TSPAN15: variants seen among roughly 807,000 people sequenced by gnomAD.
The protein encoded by TSPAN15 is tetraspanin 15.
Under a neutral mutation model 34.5 loss-of-function variants are expected in TSPAN15, and 20 were observed. The observed-to-expected ratio is 0.58, with a 90% CI of 0.41 to 0.84. The LOEUF (loss-of-function observed/expected upper bound fraction) is 0.84, where lower values mean the gene tolerates loss of function less well. Among genes scored for constraint, TSPAN15 ranks in the 40% least tolerant of loss-of-function variants. The pLI is 0.00. For synonymous variants in TSPAN15, 155 were observed against 153.9 expected (o/e 1.01, Z -0.05); for missense variants, 313 against 386.1 (o/e 0.81, Z 1.59).
At chr10:69,493,560 C>T (rs370323820) in intron 3 of TSPAN15, among the ~76,000 whole-genome samples, 20 of 149,708 alleles carry the variant, frequency 1.3e-4, no homozygotes, top group African/African-American at 5.0e-4. Context: ...GCAACCTCTG[C>T]CTCCCAGGTT....
chr10:69,510,331 C>T (rs1462330990), downstream of TSPAN15, among the ~76,000 whole-genome samples: 1 of 152,108 alleles, frequency 6.6e-6, no homozygotes, highest in Non-Finnish European at 1.5e-5. Context: ...ATTTTATTCT[C>T]TTTATAGCAA....
the TSPAN15 span, among the ~76,000 whole-genome samples, chr10:69,544,161 T>C: frequency 1.3e-5 from 2 of 152,132 alleles, no homozygotes; most frequent in East Asian, 3.9e-4. Context: ...CTGACCTGAG[T>C]CATCAAAGGC....
downstream of TSPAN15, among the ~76,000 whole-genome samples, chr10:69,512,592 C>T (rs377639690): frequency 6.6e-6 from 1 of 152,206 alleles, no homozygotes; most frequent in Non-Finnish European, 1.5e-5. Context: ...GCCCTTCCCA[C>T]CATCCACAGC....
At chr10:69,493,043 TGCCCCACCCTGGGTGGCAGACTG>T (rs796238816) in intron 3 of TSPAN15, among the ~76,000 whole-genome samples, 8 of 152,258 alleles carry the variant, frequency 5.3e-5, no homozygotes, top group African/African-American at 1.9e-4. Context: ...CTCATTCCCC[TGCCCCACCCTGGGTGGCAGACTG>T]GCCCCACCCT....
At chr10:69,464,338 C>T (rs1841335438) in intron 1 of TSPAN15, among the ~76,000 whole-genome samples, 1 of 152,196 alleles carries the variant, frequency 6.6e-6, no homozygotes, top group South Asian at 2.1e-4. Flanking sequence ...CTGAGAACCA[C>T]CTTCCTTCTG....
chr10:69,461,783 C>T (rs1263669063), intron 1 of TSPAN15, among the ~76,000 whole-genome samples: 3 of 152,070 alleles, frequency 2.0e-5, no homozygotes, highest in African/African-American at 4.8e-5. Flanking sequence ...GCTGCCGAGG[C>T]TGCACAGGAT....
At chr10:69,539,533 A>AAGAAGAAGAAGAAGAAGG in the TSPAN15 span, among the ~76,000 whole-genome samples, 13 of 48,298 alleles carry the variant, frequency 2.7e-4, no homozygotes, top group South Asian at 1.8e-3. Context: ...GAAGAAGAAG[A>AAGAAGAAGAAGAAGAAGG]AGAAGGAGAA....
chr10:69,498,308 G>A lies in TSPAN15; in HGVS notation c.482G>A (p.Arg161Gln), dbSNP rs759723063. The A allele has an allele frequency of 1.5e-4, 234 of 1,613,726 alleles. No homozygotes were observed. The highest frequency in any genetic ancestry group is 1.8e-4 in the Non-Finnish European group (215 of 1,179,992). The part of the protein sequence containing the change: ...KFKCCGGEDY[R>Q]DWSKNQYHDC... ...AAGTGCTGTGGCGGGGAGGACTACC[G>A]AGATTGGAGCAAGAATCAGTACCAC... The change falls in exon 5 of 8, where the codon CGA becomes CAA. Residue 161 changes from arginine (R) to glutamine (Q), a missense_variant. Physicochemically the swap from Arg to Gln is conservative, Grantham distance 43 (BLOSUM62 1). Coordinates refer to ENST00000373290, the MANE Select transcript of TSPAN15 (RefSeq NM_012339.5).
At chr10:69,534,774 G>A in the TSPAN15 span, among the ~76,000 whole-genome samples, 2 of 150,552 alleles carry the variant, frequency 1.3e-5, no homozygotes, top group Non-Finnish European at 2.9e-5. Context: ...TCTGAGGCCC[G>A]GAGTTTGAGA....
chr10:69,530,814 CTCTCT>C, the TSPAN15 span, among the ~76,000 whole-genome samples: 1 of 61,368 alleles, frequency 1.6e-5, no homozygotes, highest in Non-Finnish European at 3.2e-5. Flanking sequence ...CTCTCTCTCT[CTCTCT>C]CTATATATAT....
chr10:69,496,888 C>T (rs1269520295), intron 4 of TSPAN15, among the ~76,000 whole-genome samples: 1 of 152,188 alleles, frequency 6.6e-6, no homozygotes, highest in African/African-American at 2.4e-5. Context: ...TTTATTGGAA[C>T]CAGCCTTTAG....
intron 1 of TSPAN15, among the ~76,000 whole-genome samples, chr10:69,466,884 G>A (rs1255240713): frequency 6.6e-6 from 1 of 152,212 alleles, no homozygotes; most frequent in Non-Finnish European, 1.5e-5. Flanking sequence ...ATGTCACAGT[G>A]GAGAGGCAGT....
chr10:69,510,114 A>G (rs1302523380), downstream of TSPAN15, among the ~76,000 whole-genome samples: 2 of 152,254 alleles, frequency 1.3e-5, no homozygotes, highest in Non-Finnish European at 2.9e-5. Flanking sequence ...AATTATGTGA[A>G]GAAAGTCAAT....
chr10:69,506,754 C>T lies in TSPAN15; in HGVS notation c.736-75C>T. On this transcript the variant is annotated intron_variant, in intron 7 of 7. Coordinates refer to ENST00000373290, the MANE Select transcript of TSPAN15 (RefSeq NM_012339.5). The surrounding 1 kb of genome is among the most constrained non-coding windows in gnomAD (Gnocchi z 4.7). The stretch of plus-strand genomic sequence containing the variant: ...GGCTTGGGACTGGCTGCTTGGGTTT[C>T]TGGGAGCCGGGAGCTGCAGGGAGGG... 2.0e-6 allele frequency: 3 copies of T among 1,483,338 alleles called. No individual in the cohort carries two copies. The highest frequency in any genetic ancestry group is 2.7e-6 in the Non-Finnish European group (3 of 1,090,988). 91.9% of individuals were successfully genotyped at this position (1,483,338 alleles called of 1,614,324 possible). A position where few individuals can be genotyped will look rare whatever the true frequency, so the allele number is the denominator to read the frequency against.
the TSPAN15 span, among the ~76,000 whole-genome samples, chr10:69,521,672 A>G: frequency 6.8e-6 from 1 of 148,010 alleles, no homozygotes; most frequent in Admixed American, 7.0e-5. Context: ...GCTTGAGCTG[A>G]GACATCATCT....
chr10:69,506,124 C>T lies in TSPAN15; in HGVS notation c.619C>T (p.Arg207Cys), dbSNP rs1564617854. The T allele has an allele frequency of 3.7e-6, 6 of 1,613,230 alleles. No homozygotes were observed. The highest frequency in any genetic ancestry group is 1.7e-5 in the Admixed American group (1 of 59,980). The change falls in exon 7 of 8, where the codon CGT (arginine) becomes TGT (cysteine). Residue 207 changes from arginine to cysteine, a missense_variant and splice_region_variant. By Grantham distance (180) the Arg-to-Cys change is radical (BLOSUM62 -3). Coordinates refer to ENST00000373290, the MANE Select transcript of TSPAN15 (RefSeq NM_012339.5). The surrounding 1 kb of genome is among the most constrained non-coding windows in gnomAD (Gnocchi z 4.7). ...GCTGACCCAGCTCCTTCCCATGCAG[C>T]GTTTCAGTGTGCAGGATGTCATCTA... Reference protein sequence around the residue: ...MCGYKTIDKERFSVQDVIYVR... With the variant: ...MCGYKTIDKECFSVQDVIYVR...
At chr10:69,530,826 A>C in the TSPAN15 span, among the ~76,000 whole-genome samples, 3,912 of 41,912 alleles carry the variant, frequency 0.093, 55 homozygotes, top group Non-Finnish European at 0.11. Context: ...CTCTCTATAT[A>C]TATATATATA....
chr10:69,546,773 C>A, the TSPAN15 span, among the ~76,000 whole-genome samples: 3 of 152,140 alleles, frequency 2.0e-5, no homozygotes, highest in South Asian at 6.2e-4. Context: ...AGATCCCTAA[C>A]AAATGTCACT....
At chr10:69,475,111 G>A (rs1244605534) in intron 1 of TSPAN15, among the ~76,000 whole-genome samples, 1 of 152,170 alleles carries the variant, frequency 6.6e-6, no homozygotes, top group Non-Finnish European at 1.5e-5. Context: ...TCTGGAGAGT[G>A]AGGGAGAAAG....
Sources: allele counts gnomAD v4.1 joint callset (sites outside exome capture counted in the v4.1 genomes callset), GRCh38; gene constraint gnomAD v4.1.1; non-coding constraint Gnocchi (gnomAD v3.1); transcripts MANE v1.5; gene names NCBI Gene and HGNC (gene_info 2026-07-23, HGNC 2026-07-21).